The following SPECC1 variants were observed in gnomAD, a reference collection of about 807,000 sequenced individuals.
SPECC1 encodes the protein sperm antigen with calponin homology and coiled-coil domains 1, also known as cytospin-B.
In SPECC1, 62 loss-of-function variants were observed where a neutral mutation model predicts 104.1. The ratio of observed to expected loss-of-function variants is 0.60; its 90% CI spans 0.49 to 0.74. SPECC1 has a LOEUF of 0.74. Ranked by LOEUF, SPECC1 falls within the 30% of genes least tolerant of loss-of-function variation. SPECC1 has a pLI of 0.00. For missense variants in SPECC1, 1,306 were observed against 1,310.5 expected, an observed-to-expected ratio of 1.00 and a Z score of 0.05; for synonymous variants, 513 against 501.6, an observed-to-expected ratio of 1.02 and a Z score of -0.30.
chr17:20,049,199 T>A (rs1177004980), intron 1 of SPECC1, among the ~76,000 whole-genome samples: 3 of 152,180 alleles, frequency 2.0e-5, no homozygotes, highest in Non-Finnish European at 4.4e-5. Flanking sequence ...AGAGTGCCAG[T>A]CTCCTCACAT....
chr17:20,060,762 C>A (rs898682700), intron 1 of SPECC1, among the ~76,000 whole-genome samples: 1 of 152,222 alleles, frequency 6.6e-6, no homozygotes, highest in Non-Finnish European at 1.5e-5. Context: ...GACTTTTATA[C>A]TTCATCAAAT....
chr17:20,304,336 A>G (rs1477966831), intron 13 of SPECC1, among the ~76,000 whole-genome samples: 2 of 120,466 alleles, frequency 1.7e-5, no homozygotes, highest in Non-Finnish European at 1.8e-5. Context: ...ATATGTAGAG[A>G]AACATTTATA....
intron 1 of SPECC1, among the ~76,000 whole-genome samples, chr17:20,076,569 C>G (rs528743847): frequency 6.6e-6 from 1 of 152,266 alleles, no homozygotes; most frequent in East Asian, 1.9e-4. Flanking sequence ...TTTAACTATT[C>G]CCTGTTTTTT....
intron 4 of SPECC1, among the ~76,000 whole-genome samples, chr17:20,223,197 T>G (rs1255658151): frequency 2.0e-5 from 3 of 152,152 alleles, no homozygotes; most frequent in Non-Finnish European, 4.4e-5. Flanking sequence ...TAGACTGTTT[T>G]GTAGATCTTG....
chr17:20,140,084 C>A (rs999349502), intron 3 of SPECC1, among the ~76,000 whole-genome samples: 4 of 152,196 alleles, frequency 2.6e-5, no homozygotes, highest in African/African-American at 7.2e-5. Flanking sequence ...AATGCTTACT[C>A]TCTCGTCCTA....
intron 1 of SPECC1, among the ~76,000 whole-genome samples, chr17:20,058,541 C>T (rs1232307942): frequency 6.6e-6 from 1 of 151,996 alleles, no homozygotes; most frequent in Non-Finnish European, 1.5e-5. Flanking sequence ...TGCCTGTAGT[C>T]CCAGCTACTC....
At chr17:20,252,628 A>G (rs979798299) in intron 9 of SPECC1, among the ~76,000 whole-genome samples, 5 of 152,300 alleles carry the variant, frequency 3.3e-5, no homozygotes, top group Admixed American at 2.0e-4. Context: ...CTTGTCCTTC[A>G]GTGACTGGTG....
At chr17:20,177,910 A>G (rs2034587503) in intron 3 of SPECC1, among the ~76,000 whole-genome samples, 1 of 151,920 alleles carries the variant, frequency 6.6e-6, no homozygotes, top group South Asian at 2.1e-4. Flanking sequence ...GGGTTTCACC[A>G]TGTTGGCCAG....
In SPECC1 at chr17:20,250,335, G is replaced by C. The variant is rs142770019; in HGVS notation, c.2598+3016G>C. Among the ~76,000 whole-genome samples the C allele has an allele frequency of 2.0e-5, 3 of 152,294 alleles. No homozygotes were observed. In the East Asian group the frequency reaches 5.8e-4, roughly 29 times the overall value. ...ACTATTTAAAGGAGTTCTGCATGGA[G>C]TTTGTTCTTTTAAAAGACTATTAAA... On this transcript the variant is annotated intron_variant, in intron 9 of 14. Transcript: ENST00000395527.
At chr17:20,050,395 AATTCTTGGTC>A (rs1463257670) in intron 1 of SPECC1, among the ~76,000 whole-genome samples, 1 of 152,166 alleles carries the variant, frequency 6.6e-6, no homozygotes, top group African/African-American at 2.4e-5. Context: ...GTTTGAACCT[AATTCTTGGTC>A]TAGTCCATGT....
intron 12 of SPECC1, among the ~76,000 whole-genome samples, chr17:20,278,717 C>CTT: frequency 6.7e-6 from 1 of 149,922 alleles, no homozygotes. Flanking sequence ...CTCTCTCTCT[C>CTT]TCTTTTTTTT....
At chr17:20,266,360 G>T (rs1326012170) in intron 12 of SPECC1, among the ~76,000 whole-genome samples, 1 of 151,994 alleles carries the variant, frequency 6.6e-6, no homozygotes, top group East Asian at 1.9e-4. Context: ...GAGGCGGGTG[G>T]ATCACAAGGT....
At chr17:20,128,554 A>G (rs1200981754) in intron 3 of SPECC1, among the ~76,000 whole-genome samples, 4 of 152,174 alleles carry the variant, frequency 2.6e-5, no homozygotes, top group Admixed American at 2.6e-4. Context: ...CAATATTCTG[A>G]TATAATTAAA....
intron 1 of SPECC1, among the ~76,000 whole-genome samples, chr17:20,072,612 C>T (rs2046599454): frequency 6.6e-6 from 1 of 152,224 alleles, no homozygotes; most frequent in South Asian, 2.1e-4. Flanking sequence ...GCTCTGAACT[C>T]CTTACTGCAC....
intron 1 of SPECC1, among the ~76,000 whole-genome samples, chr17:20,032,892 C>A (rs1409281305): frequency 2.0e-5 from 3 of 151,406 alleles, no homozygotes; most frequent in African/African-American, 7.3e-5. Context: ...ATATGTGTGT[C>A]TGTATATATG....
intron 3 of SPECC1, among the ~76,000 whole-genome samples, chr17:20,141,803 G>T (rs372666689): frequency 6.6e-6 from 1 of 152,156 alleles, no homozygotes; most frequent in Non-Finnish European, 1.5e-5. Flanking sequence ...CAGAATTGGA[G>T]TGTTTTCTGG....
intron 7 of SPECC1, among the ~76,000 whole-genome samples, chr17:20,241,008 G>A (rs1005742068): frequency 2.0e-5 from 3 of 152,174 alleles, no homozygotes; most frequent in African/African-American, 7.2e-5. Context: ...GGTGTGGCAG[G>A]GCCTGACGTT....
chr17:20,311,515 T>G (rs1387750832), intron 14 of SPECC1, among the ~76,000 whole-genome samples: 1 of 152,072 alleles, frequency 6.6e-6, no homozygotes, highest in Admixed American at 6.6e-5. Context: ...CTCAGCCTCC[T>G]GAGTAACTGG....
chr17:20,307,633 G>A (rs1026947729), intron 14 of SPECC1, among the ~76,000 whole-genome samples: 3 of 152,132 alleles, frequency 2.0e-5, no homozygotes, highest in Non-Finnish European at 4.4e-5. Flanking sequence ...GAGAGCTTGG[G>A]AATGACTGTT....
Sources: gnomAD v4.1 joint callset for allele counts (sites outside exome capture counted in the v4.1 genomes callset) on GRCh38, gnomAD v4.1.1 for gene constraint, MANE v1.5 for transcripts, NCBI Gene and HGNC (gene_info 2026-07-23, HGNC 2026-07-21) for gene names.